The following ARB2A variants were observed in gnomAD, a reference collection of about 807,000 sequenced individuals.
ARB2A encodes the protein ARB2 cotranscriptional regulator A.
chr5:94,080,474 T>C, the ARB2A span, among the ~76,000 whole-genome samples: 1 of 152,160 alleles, frequency 6.6e-6, no homozygotes, highest in Admixed American at 6.6e-5. Flanking sequence ...AGGTTCAACA[T>C]AGATTTTAAA....
At chr5:94,069,177 T>C in the ARB2A span, among the ~76,000 whole-genome samples, 1 of 152,088 alleles carries the variant, frequency 6.6e-6, no homozygotes, top group African/African-American at 2.4e-5. Context: ...GCACCAAGAC[T>C]ATACACTGGG....
chr5:93,864,838 G>A, the ARB2A span, among the ~76,000 whole-genome samples: 1 of 152,148 alleles, frequency 6.6e-6, no homozygotes, highest in African/African-American at 2.4e-5. Flanking sequence ...AGTACATACT[G>A]TAATCTGCCT....
At chr5:93,831,705 G>A in the ARB2A span, among the ~76,000 whole-genome samples, 3 of 152,124 alleles carry the variant, frequency 2.0e-5, no homozygotes, top group South Asian at 2.1e-4. Flanking sequence ...GGAAAGTGCC[G>A]GCCAGGCCCA....
the ARB2A span, among the ~76,000 whole-genome samples, chr5:93,725,409 T>C: frequency 6.6e-6 from 1 of 151,942 alleles, no homozygotes. Flanking sequence ...ATTTCAGAAA[T>C]GAAAAACAGA....
chr5:93,853,233 T>G, the ARB2A span, among the ~76,000 whole-genome samples: 2 of 152,120 alleles, frequency 1.3e-5, no homozygotes, highest in Non-Finnish European at 2.9e-5. Context: ...TGAATGGGAG[T>G]TCACTAATGA....
the ARB2A span, among the ~76,000 whole-genome samples, chr5:93,967,696 G>A: frequency 1.3e-5 from 2 of 152,190 alleles, no homozygotes; most frequent in African/African-American, 4.8e-5. Context: ...TGCAGGGGAA[G>A]GGGAAAAGTA....
At chr5:93,711,779 G>A in the ARB2A span, among the ~76,000 whole-genome samples, 1 of 152,234 alleles carries the variant, frequency 6.6e-6, no homozygotes, top group Non-Finnish European at 1.5e-5. Flanking sequence ...CTGCAGCTTC[G>A]CTGCTAGAAG....
the ARB2A span, chr5:93,619,895 T>C: frequency 6.6e-6 from 1 of 152,104 alleles, no homozygotes; most frequent in Non-Finnish European, 1.5e-5. Flanking sequence ...AGCAGAAAAC[T>C]AAAAGGATAA....
At chr5:93,764,649 T>C in the ARB2A span, among the ~76,000 whole-genome samples, 2 of 152,200 alleles carry the variant, frequency 1.3e-5, no homozygotes, top group South Asian at 2.1e-4. Flanking sequence ...CTTCTGAAAC[T>C]ATTCCTATCA....
the ARB2A span, among the ~76,000 whole-genome samples, chr5:93,804,245 G>C: frequency 6.6e-6 from 1 of 151,948 alleles, no homozygotes; most frequent in African/African-American, 2.4e-5. Context: ...ATGCTTAAAG[G>C]CAGAAAAAGA....
chr5:93,971,100 G>A, the ARB2A span, among the ~76,000 whole-genome samples: 10 of 151,792 alleles, frequency 6.6e-5, no homozygotes, highest in African/African-American at 2.4e-4. Flanking sequence ...CTGGGTTCAC[G>A]CCATTCTCCT....
At chr5:93,887,040 CT>C in the ARB2A span, among the ~76,000 whole-genome samples, 1 of 151,582 alleles carries the variant, frequency 6.6e-6, no homozygotes, top group Non-Finnish European at 1.5e-5. Flanking sequence ...AGAGGACCAC[CT>C]GTTGTCTATT....
chr5:93,676,746 G>A, the ARB2A span, among the ~76,000 whole-genome samples: 1 of 152,136 alleles, frequency 6.6e-6, no homozygotes, highest in Non-Finnish European at 1.5e-5. Flanking sequence ...AAACAAATAT[G>A]CCGTATAAGA....
At chr5:94,085,750 A>ACT in the ARB2A span, among the ~76,000 whole-genome samples, 1 of 152,358 alleles carries the variant, frequency 6.6e-6, no homozygotes, top group East Asian at 1.9e-4. Flanking sequence ...ATTATAGGAG[A>ACT]GCAAATATAC....
chr5:93,842,592 G>A, the ARB2A span, among the ~76,000 whole-genome samples: 1 of 152,132 alleles, frequency 6.6e-6, no homozygotes, highest in Non-Finnish European at 1.5e-5. Context: ...GGAAGAGAGA[G>A]CAGATAGAAG....
At chr5:93,987,285 G>C in the ARB2A span, among the ~76,000 whole-genome samples, 2,655 of 152,132 alleles carry the variant, frequency 0.017, 83 homozygotes, top group African/African-American at 0.06. Context: ...AGAGTCAGAG[G>C]AAAGAAGAAA....
At chr5:93,830,311 GTATATATATA>G in the ARB2A span, among the ~76,000 whole-genome samples, 46 of 82,268 alleles carry the variant, frequency 5.6e-4, no homozygotes, top group South Asian at 4.7e-3. Context: ...GTGTGTGTGT[GTATATATATA>G]TATATATATA....
At chr5:93,889,032 G>GA in the ARB2A span, among the ~76,000 whole-genome samples, 1 of 151,480 alleles carries the variant, frequency 6.6e-6, no homozygotes, top group Admixed American at 6.6e-5. Context: ...TCATTCAGTA[G>GA]AAAATTTTAA....
the ARB2A span, among the ~76,000 whole-genome samples, chr5:93,922,640 A>AAGGG: frequency 7.2e-5 from 5 of 69,186 alleles, no homozygotes; most frequent in African/African-American, 1.2e-4. Context: ...AAAAGAAAGA[A>AAGGG]AGGGAGGGAG....
Sources: gnomAD v4.1 joint callset for allele counts (sites outside exome capture counted in the v4.1 genomes callset) on GRCh38, gnomAD v4.1.1 for gene constraint, MANE v1.5 for transcripts, NCBI Gene and HGNC (gene_info 2026-07-23, HGNC 2026-07-21) for gene names.